CSMD1: variants seen among roughly 807,000 people sequenced by gnomAD.
The protein encoded by CSMD1 is CUB and sushi domain-containing protein 1.
CSMD1 carries 213 observed loss-of-function variants against 417.5 expected under a neutral mutation model. The observed-to-expected ratio is 0.51, with a 90% CI of 0.46 to 0.57. The LOEUF (loss-of-function observed/expected upper bound fraction) is 0.57. Among genes scored for constraint, CSMD1 ranks in the 20% least tolerant of loss-of-function variants. The pLI is 0.00. For missense variants in CSMD1, 6,923 were observed against 4,529.7 expected, an observed-to-expected ratio of 1.53 and a Z score of -15.17; for synonymous variants, 2,862 against 1,736.8, an observed-to-expected ratio of 1.65 and a Z score of -16.11.
intron 1 of CSMD1, among the ~76,000 whole-genome samples, chr8:4,872,872 G>C (rs949663634): frequency 1.3e-5 from 2 of 152,044 alleles, no homozygotes; most frequent in Non-Finnish European, 2.9e-5. Flanking sequence ...GCTCATACTG[G>C]AGTAGTACTG....
chr8:4,761,446 A>AT (rs952560847), intron 1 of CSMD1, among the ~76,000 whole-genome samples: 5 of 152,082 alleles, frequency 3.3e-5, no homozygotes, highest in African/African-American at 1.2e-4. Context: ...GCTGAAATAA[A>AT]TTTTACCTGT....
At chr8:3,642,218 G>A (rs2117321961) in intron 7 of CSMD1, among the ~76,000 whole-genome samples, 1 of 151,662 alleles carries the variant, frequency 6.6e-6, no homozygotes, top group South Asian at 2.1e-4. Context: ...ATAAAAATAT[G>A]TATTAAATGG....
chr8:4,027,495 T>C (rs1303205182), intron 4 of CSMD1, among the ~76,000 whole-genome samples: 4 of 152,138 alleles, frequency 2.6e-5, no homozygotes, highest in Admixed American at 1.3e-4. Context: ...ATGATGGCTT[T>C]ATAAGGGTCT....
At chr8:3,620,253 T>C (rs1374504837) in intron 7 of CSMD1, among the ~76,000 whole-genome samples, 6 of 152,006 alleles carry the variant, frequency 3.9e-5, no homozygotes. Flanking sequence ...ATAGAGTGAG[T>C]TTATTACCAA....
At position 4,086,071 on chromosome 8, in the gene CSMD1, AT is replaced by A. The variant is rs568439651; in HGVS notation, c.416-53973del. Among the ~76,000 whole-genome samples, 9 of 152,224 alleles carry A rather than the reference AT, an allele frequency of 5.9e-5. No homozygotes were observed. The South Asian group carries it at 1.9e-3, about 32-fold the overall frequency. ...GATGCAATCAAGTATCAACAAACGT[AT>A]TTTTTCCATATTTAATCTCATTTTT... On this transcript the variant is annotated intron_variant, in intron 3 of 69. Coordinates refer to ENST00000635120, the MANE Select transcript of CSMD1 (RefSeq NM_033225.6).
chr8:3,132,813 T>A (rs910000910), intron 41 of CSMD1, among the ~76,000 whole-genome samples: 19 of 152,188 alleles, frequency 1.2e-4, no homozygotes, highest in Non-Finnish European at 2.5e-4. Flanking sequence ...TATTTCTTTC[T>A]GGAGCTCAGG....
chr8:4,714,345 C>G (rs1374901059), intron 1 of CSMD1, among the ~76,000 whole-genome samples: 1 of 151,874 alleles, frequency 6.6e-6, no homozygotes, highest in South Asian at 2.1e-4. Flanking sequence ...AGTTTGGGGT[C>G]AGGGGGTCAA....
In CSMD1 at chr8:4,031,784, A is replaced by T. The variant is rs1797359486; in HGVS notation, c.610+121T>A. On this transcript the variant is annotated intron_variant, in intron 4 of 69. Transcript: ENST00000635120. ...TTGCTTTCAGGAGCAGAATGAGCTGACATTGTAAGAGTCAGCTCAACATGT... is the reference window on the plus strand; with the variant it reads ...TTGCTTTCAGGAGCAGAATGAGCTGTCATTGTAAGAGTCAGCTCAACATGT... The T allele has an allele frequency of 1.2e-5, 8 of 671,654 alleles. No individual in the cohort carries two copies. In the South Asian group the frequency reaches 1.9e-4, roughly 16 times the overall value. 41.6% of individuals were successfully genotyped at this position (671,654 alleles called of 1,614,324 possible).
intron 10 of CSMD1, among the ~76,000 whole-genome samples, chr8:3,536,209 T>C (rs1411876761): frequency 6.6e-6 from 1 of 152,248 alleles, no homozygotes; most frequent in Admixed American, 6.5e-5. Flanking sequence ...GTAGGTTTGC[T>C]TTTCAAGACT....
intron 12 of CSMD1, among the ~76,000 whole-genome samples, chr8:3,438,961 C>G (rs1157843677): frequency 6.7e-6 from 1 of 150,190 alleles, no homozygotes; most frequent in African/African-American, 2.5e-5. Context: ...ACTAAAAATA[C>G]AAAATTAGCC....
chr8:3,551,857 G>C (rs184484736), intron 10 of CSMD1, among the ~76,000 whole-genome samples: 2 of 152,028 alleles, frequency 1.3e-5, no homozygotes, highest in Non-Finnish European at 2.9e-5. Flanking sequence ...TGAAAGATGA[G>C]GCTGCCACTG....
At chr8:4,989,559 C>T (rs76666214) in intron 1 of CSMD1, among the ~76,000 whole-genome samples, 5,844 of 152,256 alleles carry the variant, frequency 0.038, 131 homozygotes, top group Middle Eastern at 0.11. Flanking sequence ...TGTGCAACTA[C>T]GCATGCAACT....
intron 5 of CSMD1, among the ~76,000 whole-genome samples, chr8:3,768,359 G>A (rs1338194967): frequency 2.0e-5 from 3 of 152,154 alleles, no homozygotes; most frequent in African/African-American, 7.2e-5. Context: ...ATATGATTGG[G>A]AAATTCCAAA....
Position 4,447,426 on chromosome 8 carries a change from G to T in CSMD1, c.303-27361C>A, listed in dbSNP as rs193171875. Among the ~76,000 whole-genome samples the T allele has an allele frequency of 3.3e-5, 5 of 152,330 alleles. No individual in the cohort carries two copies. In the South Asian group the frequency reaches 6.2e-4, roughly 19 times the overall value. On this transcript the variant is annotated intron_variant, in intron 2 of 69. Coordinates refer to ENST00000635120, the MANE Select transcript of CSMD1 (RefSeq NM_033225.6). ...AGGAAGCCTGAAGTGGATGGCATTT[G>T]TCTGGACCCAGAGGAAGGAGTAGAA...
rs1412580496 is a variant in CSMD1, at chr8:3,284,275, C to A, written c.4022G>T (p.Ser1341Ile). 1 of 1,613,838 alleles carries A rather than the reference C, an allele frequency of 6.2e-7. No individual in the cohort carries two copies. Among genetic ancestry groups the A allele is most frequent in the African/African-American group, 1.3e-5 (1 of 74,930 alleles). ...ACTCCACTCCTTCAGCAGGATGTCA[C>A]TGTCCACCGGCCCGTCCCAGACCTT... ...ILKVWDGPVD[S>I]DILLKEWSGS... Residue 1341 changes from serine (S) to isoleucine (I), a missense_variant, in exon 26 of 70, where the codon AGT becomes ATT. Physicochemically the swap from Ser to Ile is moderately radical, Grantham distance 142. Transcript: ENST00000635120.
chr8:4,536,349 T>G (rs1797102559), intron 2 of CSMD1, among the ~76,000 whole-genome samples: 1 of 152,202 alleles, frequency 6.6e-6, no homozygotes, highest in Admixed American at 6.5e-5. Context: ...CTGTGTGTAA[T>G]ATTTATTTGC....
intron 1 of CSMD1, among the ~76,000 whole-genome samples, chr8:4,912,926 C>G (rs992461055): frequency 6.6e-6 from 1 of 152,128 alleles, no homozygotes; most frequent in Non-Finnish European, 1.5e-5. Context: ...GCTGGGACTA[C>G]AGGCACCCAC....
chr8:4,835,177 G>A (rs1344592730), intron 1 of CSMD1, among the ~76,000 whole-genome samples: 1 of 151,834 alleles, frequency 6.6e-6, no homozygotes, highest in Non-Finnish European at 1.5e-5. Context: ...TGGAAATGAA[G>A]CGAAGGACAA....
At chr8:3,866,484 T>C (rs1805113731) in intron 5 of CSMD1, among the ~76,000 whole-genome samples, 2 of 152,184 alleles carry the variant, frequency 1.3e-5, no homozygotes, top group African/African-American at 2.4e-5. Flanking sequence ...ATTTTACACA[T>C]TTCCTGTTGG....
Sources: allele counts gnomAD v4.1 joint callset (sites outside exome capture counted in the v4.1 genomes callset), GRCh38; gene constraint gnomAD v4.1.1; transcripts MANE v1.5; gene names NCBI Gene and HGNC (gene_info 2026-07-23, HGNC 2026-07-21).